SLC35F4: variants seen among roughly 807,000 people sequenced by gnomAD.
SLC35F4 encodes solute carrier family 35 member F4, also known as chromosome 14 open reading frame 36.
SLC35F4 carries 24 observed loss-of-function variants against 44.2 expected under a neutral mutation model. The ratio of observed to expected loss-of-function variants is 0.54; its 90% CI spans 0.39 to 0.76. The LOEUF is 0.76. Among genes scored for constraint, SLC35F4 ranks in the 30% least tolerant of loss-of-function variants. The pLI is 0.00. For synonymous variants in SLC35F4, 238 were observed against 223.6 expected (o/e 1.06, Z -0.57); for missense variants, 562 against 586.1 (o/e 0.96, Z 0.42).
At chr14:57,923,818 C>T (rs1889490830) in intron 1 of SLC35F4, among the ~76,000 whole-genome samples, 1 of 152,214 alleles carries the variant, frequency 6.6e-6, no homozygotes, top group African/African-American at 2.4e-5. Flanking sequence ...CACTATCTGT[C>T]TTAGTCCATT....
chr14:57,740,878 G>A (rs1402837078), intron 1 of SLC35F4, among the ~76,000 whole-genome samples: 1 of 152,238 alleles, frequency 6.6e-6, no homozygotes, highest in Non-Finnish European at 1.5e-5. Flanking sequence ...ACACCTCCCA[G>A]TAGGGGCCGA....
At chr14:57,733,180 C>T (rs951114731) in intron 1 of SLC35F4, among the ~76,000 whole-genome samples, 4 of 152,090 alleles carry the variant, frequency 2.6e-5, no homozygotes, top group African/African-American at 4.8e-5. Flanking sequence ...TAGGCAATGT[C>T]AGAAACACTA....
intron 1 of SLC35F4, among the ~76,000 whole-genome samples, chr14:57,791,535 G>A (rs565756554): frequency 8.7e-4 from 132 of 152,326 alleles, no homozygotes; most frequent in African/African-American, 3.1e-3. Context: ...GTTGGCAGGA[G>A]TGTAAATTAG....
At chr14:57,932,332 C>A (rs1889713144) in intron 1 of SLC35F4, among the ~76,000 whole-genome samples, 1 of 152,166 alleles carries the variant, frequency 6.6e-6, no homozygotes, top group South Asian at 2.1e-4. Flanking sequence ...ACATAGACAC[C>A]TGCTTCGAAT....
chr14:57,823,297 G>T (rs914981165), intron 1 of SLC35F4, among the ~76,000 whole-genome samples: 10 of 151,820 alleles, frequency 6.6e-5, no homozygotes, highest in Admixed American at 2.0e-4. Context: ...TCACCCTTCA[G>T]GTCCCAGCAT....
intron 1 of SLC35F4, among the ~76,000 whole-genome samples, chr14:57,880,068 GGAAGGAAGGAAGGAAGGAAGGAAGGAA>G (rs1888495949): frequency 8.3e-6 from 1 of 120,606 alleles, no homozygotes; most frequent in Non-Finnish European, 1.7e-5. Flanking sequence ...AAGGAAGGAA[GGAAGGAAGGAAGGAAGGAAGGAAGGAA>G]GGAAGGAAGG....
intron 1 of SLC35F4, among the ~76,000 whole-genome samples, chr14:57,930,063 G>A (rs1030550831): frequency 1.3e-5 from 2 of 152,204 alleles, no homozygotes; most frequent in African/African-American, 2.4e-5. Context: ...TCTCCAAGAT[G>A]GTGGTGTTAG....
At chr14:57,628,969 A>G (rs1594637240) in intron 1 of SLC35F4, among the ~76,000 whole-genome samples, 2 of 152,288 alleles carry the variant, frequency 1.3e-5, no homozygotes. Context: ...ATAACAGCAC[A>G]AGAAGCATAA....
intron 1 of SLC35F4, among the ~76,000 whole-genome samples, chr14:57,942,150 T>C (rs1402466698): frequency 6.6e-6 from 1 of 152,212 alleles, no homozygotes; most frequent in Non-Finnish European, 1.5e-5. Context: ...CGTCAGAACC[T>C]CATTATTGAC....
chr14:57,720,843 C>T (rs1440007236), intron 1 of SLC35F4, among the ~76,000 whole-genome samples: 1 of 151,796 alleles, frequency 6.6e-6, no homozygotes, highest in Non-Finnish European at 1.5e-5. Context: ...ATCTTTCTCT[C>T]ATGCTGGATG....
At chr14:57,794,812 T>C (rs2078016619) in intron 1 of SLC35F4, among the ~76,000 whole-genome samples, 2 of 152,020 alleles carry the variant, frequency 1.3e-5, no homozygotes, top group South Asian at 4.1e-4. Context: ...CGAAAATAGG[T>C]GCTTCATGAG....
At chr14:57,840,741 C>T (rs1201245474) in intron 1 of SLC35F4, among the ~76,000 whole-genome samples, 1 of 152,268 alleles carries the variant, frequency 6.6e-6, no homozygotes, top group East Asian at 1.9e-4. Flanking sequence ...CAATACACTG[C>T]TATATAACAC....
At chr14:57,593,791 C>T in intron 2 of SLC35F4, 148 bp downstream of exon 2, 1 of 835,566 alleles carries the variant, frequency 1.2e-6, no homozygotes, top group Non-Finnish European at 1.8e-6. Context: ...TATTTCCCTG[C>T]TTCCTTATCC....
chr14:57,877,672 G>GA (rs1888428336), intron 1 of SLC35F4, among the ~76,000 whole-genome samples: 2 of 80,312 alleles, frequency 2.5e-5, no homozygotes, highest in Non-Finnish European at 4.7e-5. Context: ...GTTATTTTTT[G>GA]ACTTTTTTTT....
At chr14:57,641,899 A>T (rs1278843829) in intron 1 of SLC35F4, among the ~76,000 whole-genome samples, 1 of 152,032 alleles carries the variant, frequency 6.6e-6, no homozygotes, top group Non-Finnish European at 1.5e-5. Context: ...TAGGCTTACA[A>T]GTCTGTTTTC....
At chr14:57,860,741 T>C (rs1032910678) in intron 1 of SLC35F4, among the ~76,000 whole-genome samples, 2 of 152,190 alleles carry the variant, frequency 1.3e-5, no homozygotes, top group Non-Finnish European at 2.9e-5. Context: ...AAATTTCTTA[T>C]AGCATACAAA....
rs758062179 is a variant in SLC35F4 at position 57,564,200 on chromosome 14, C to G, written c.1393G>C (p.Asp465His). ...CTGCCCCGCAGGTGTATGCTGGGAT[C>G]AGTCACATCATCCACATGCTCCTCA... ...KSEEHVDDVT[D>H]PSIHLRGRGR... is the part of the protein sequence containing the mutation. Residue 465 changes from aspartate (D) to histidine (H), a missense_variant, in exon 8 of 8, where the codon GAT (aspartate) becomes CAT (histidine). Asp to His is a moderately conservative substitution (Grantham distance 81, BLOSUM62 -1). Coordinates refer to ENST00000556826, the MANE Select transcript of SLC35F4 (RefSeq NM_001306087.2). 1 of 1,613,640 alleles carries G rather than the reference C, an allele frequency of 6.2e-7. No individual in the cohort carries two copies. The highest frequency in any genetic ancestry group is 1.1e-5 in the South Asian group (1 of 91,018).
intron 1 of SLC35F4, among the ~76,000 whole-genome samples, chr14:57,743,317 T>A (rs181954311): frequency 6.6e-6 from 1 of 152,046 alleles, no homozygotes; most frequent in Non-Finnish European, 1.5e-5. Flanking sequence ...ACAAAATTGA[T>A]AGGCCGCTAG....
At chr14:57,684,907 T>C (rs2075023383) in intron 1 of SLC35F4, among the ~76,000 whole-genome samples, 1 of 152,160 alleles carries the variant, frequency 6.6e-6, no homozygotes, top group South Asian at 2.1e-4. Context: ...GCTCCTTAGT[T>C]AGCTGCCTGG....
Sources: gnomAD v4.1 joint callset for allele counts (sites outside exome capture counted in the v4.1 genomes callset) on GRCh38, gnomAD v4.1.1 for gene constraint, MANE v1.5 for transcripts, NCBI Gene and HGNC (gene_info 2026-07-23, HGNC 2026-07-21) for gene names.